PTPN4: variants seen among roughly 807,000 people sequenced by gnomAD.
The protein encoded by PTPN4 is protein tyrosine phosphatase non-receptor type 4, also known as tyrosine-protein phosphatase non-receptor type 4.
In PTPN4, 49 loss-of-function variants were observed where a neutral mutation model predicts 135.5. That is an observed-to-expected ratio of 0.36 (90% CI 0.29 to 0.46). The LOEUF (loss-of-function observed/expected upper bound fraction) is 0.46. Among genes scored for constraint, PTPN4 ranks in the 20% least tolerant of loss-of-function variants. The pLI is 1.00. For synonymous variants in PTPN4, 333 were observed against 369.9 expected (o/e 0.90, Z 1.14); for missense variants, 860 against 1,101.0 (o/e 0.78, Z 3.10).
intron 7 of PTPN4, 100 bp downstream of exon 7, chr2:119,882,249 A>G (rs1302266582): frequency 2.4e-5 from 29 of 1,222,742 alleles, no homozygotes; most frequent in Non-Finnish European, 3.2e-5. Flanking sequence ...ATGTTGCTAT[A>G]TAGAAAATAG....
intron 19 of PTPN4, among the ~76,000 whole-genome samples, 153 bp from the exon 20 acceptor site, chr2:119,955,004 C>A (rs534631556): frequency 6.6e-6 from 1 of 152,282 alleles, no homozygotes; most frequent in Admixed American, 6.5e-5. Flanking sequence ...GTTTCTGTCC[C>A]CCCATAGTGA....
intron 12 of PTPN4, among the ~76,000 whole-genome samples, chr2:119,924,832 G>A (rs532092389): frequency 6.6e-5 from 10 of 152,170 alleles, no homozygotes; most frequent in African/African-American, 2.4e-4. Context: ...AGTTCAGTCA[G>A]GGAAGCAGAA....
At chr2:119,786,142 C>T (rs1691044274) in intron 1 of PTPN4, among the ~76,000 whole-genome samples, 1 of 152,100 alleles carries the variant, frequency 6.6e-6, no homozygotes, top group Admixed American at 6.5e-5. Context: ...GACTGGGTAC[C>T]AGTCCCTGGC....
At chr2:119,936,159 C>T (rs1251416557) in intron 15 of PTPN4, among the ~76,000 whole-genome samples, 1 of 152,120 alleles carries the variant, frequency 6.6e-6, no homozygotes, top group Non-Finnish European at 1.5e-5. Flanking sequence ...CCAGCCACCA[C>T]TCCCGGCTAA....
chr2:119,858,259 G>A (rs1677710571), intron 2 of PTPN4, among the ~76,000 whole-genome samples: 1 of 152,116 alleles, frequency 6.6e-6, no homozygotes, highest in Non-Finnish European at 1.5e-5. Flanking sequence ...TTTCCTTTTG[G>A]CCTTCTTGGT....
chr2:119,961,119 AAC>A (rs1679359064), intron 23 of PTPN4, among the ~76,000 whole-genome samples, 166 bp downstream of exon 23: 1 of 152,260 alleles, frequency 6.6e-6, no homozygotes, highest in African/African-American at 2.4e-5. Context: ...AACTGTGACT[AAC>A]ACATAAATAA....
At chr2:119,872,535 G>A (rs140197120) in intron 3 of PTPN4, among the ~76,000 whole-genome samples, 2 of 152,070 alleles carry the variant, frequency 1.3e-5, no homozygotes, top group East Asian at 1.9e-4. Context: ...CTTCACTCCC[G>A]TCACATCTTT....
At position 119,956,897 on chromosome 2, in the gene PTPN4, G is replaced by GA; in HGVS notation, c.2036dup (p.Asn679LysfsTer6). On this transcript the variant is annotated frameshift_variant, in exon 21 of 27. Coordinates refer to ENST00000263708, the MANE Select transcript of PTPN4 (RefSeq NM_002830.4). LOFTEE classifies it high-confidence loss of function. Reference sequence around the variant, plus strand: ...CAATGTCCTGTGCCAAATTACCTCAGAATATTTCCAAAAATAGATACAGAG... The same window carrying GA: ...CAATGTCCTGTGCCAAATTACCTCAGAAATATTTCCAAAAATAGATACAGAG... The GA allele has an allele frequency of 6.2e-7, 1 of 1,606,344 alleles. No individual in the cohort carries two copies. Among genetic ancestry groups the GA allele is most frequent in the Admixed American group, 1.7e-5 (1 of 58,562 alleles).
At chr2:119,973,702 G>A (rs1460082827) in intron 26 of PTPN4, among the ~76,000 whole-genome samples, 12 of 78,578 alleles carry the variant, frequency 1.5e-4, no homozygotes, top group Admixed American at 4.2e-4. Context: ...CTTGATAAAC[G>A]AATCAGGTTG....
At chr2:119,942,580 C>CA (rs143512338) in intron 15 of PTPN4, among the ~76,000 whole-genome samples, 7,041 of 152,174 alleles carry the variant, frequency 0.046, 251 homozygotes, top group African/African-American at 0.093. Context: ...CAACTGTATG[C>CA]AAAGCAGAAA....
chr2:119,808,089 G>A (rs869105834), intron 1 of PTPN4, among the ~76,000 whole-genome samples: 2 of 152,104 alleles, frequency 1.3e-5, no homozygotes, highest in Non-Finnish European at 2.9e-5. Flanking sequence ...AATAATAAGA[G>A]CTATTTATGA....
At chr2:119,960,592 A>G (rs1679352132) in intron 22 of PTPN4, among the ~76,000 whole-genome samples, 1 of 152,216 alleles carries the variant, frequency 6.6e-6, no homozygotes, top group Non-Finnish European at 1.5e-5. Flanking sequence ...TCTTATTTCC[A>G]CTAATTAAAA....
chr2:119,915,019 A>G (rs945869593), intron 10 of PTPN4, among the ~76,000 whole-genome samples, 160 bp from the exon 11 acceptor site: 5 of 152,124 alleles, frequency 3.3e-5, no homozygotes, highest in African/African-American at 1.2e-4. Context: ...TATTTTTTCC[A>G]TGAAGCAAGA....
In PTPN4 at chr2:119,984,413, A is replaced by G. The variant is rs1679736023; in HGVS notation, c.*7343A>G. ...TATTCATTTCATGTTTGATTCTATT[A>G]AACTAGTGGCAAAACAGAATTGGTC... On this transcript the variant is annotated 3_prime_UTR_variant, in exon 27 of 27. Transcript: ENST00000263708. Among the ~76,000 whole-genome samples the G allele has an allele frequency of 6.6e-6, 1 of 152,172 alleles. No homozygotes were observed.
At chr2:119,792,048 T>G (rs1002920898) in intron 1 of PTPN4, among the ~76,000 whole-genome samples, 2 of 152,212 alleles carry the variant, frequency 1.3e-5, no homozygotes, top group Non-Finnish European at 2.9e-5. Flanking sequence ...TAACTTGTTT[T>G]CAAGTTGACT....
intron 1 of PTPN4, among the ~76,000 whole-genome samples, chr2:119,763,488 G>A (rs927824804): frequency 3.3e-5 from 5 of 152,098 alleles, no homozygotes; most frequent in African/African-American, 1.2e-4. Flanking sequence ...TTATGAGGTA[G>A]GTATTATTAA....
Position 119,873,468 on chromosome 2 carries a change from G to A in PTPN4, c.247-3855G>A, listed in dbSNP as rs115598171. ...CAGATACAAAAATTAACTTTGTCAT[G>A]TGAAGCAGTATATAGAGTAAACAAG... On this transcript the variant is annotated intron_variant, in intron 3 of 26. Transcript: ENST00000263708. 2.5e-3 allele frequency among the ~76,000 whole-genome samples: 380 copies of A among 152,292 alleles called. 2 individuals carry two copies. The highest frequency in any genetic ancestry group is 8.6e-3 in the African/African-American group (356 of 41,558).
intron 1 of PTPN4, among the ~76,000 whole-genome samples, chr2:119,763,950 T>C (rs569665663): frequency 3.9e-5 from 6 of 152,310 alleles, no homozygotes; most frequent in Admixed American, 6.5e-5. Context: ...AGTTCTGGGC[T>C]TCAGTCTAAT....
At chr2:119,826,075 G>A (rs543234594) in intron 2 of PTPN4, among the ~76,000 whole-genome samples, 2 of 152,238 alleles carry the variant, frequency 1.3e-5, no homozygotes. Flanking sequence ...TTGGGACCCA[G>A]GTGTGTATAT....
Sources: allele counts gnomAD v4.1 joint callset (sites outside exome capture counted in the v4.1 genomes callset), GRCh38; gene constraint gnomAD v4.1.1; transcripts MANE v1.5; gene names NCBI Gene and HGNC (gene_info 2026-07-23, HGNC 2026-07-21).